The following CFAP97D2 variants were observed in gnomAD, a reference collection of about 807,000 sequenced individuals.
CFAP97D2 encodes CFAP97 domain containing 2.
chr13:114,208,317 G>A (rs1025831887), intron 3 of CFAP97D2, among the ~76,000 whole-genome samples: 29 of 152,002 alleles, frequency 1.9e-4, no homozygotes, highest in Admixed American at 1.1e-3. Flanking sequence ...TAACTTTTTC[G>A]TGCCACGACC....
intron 4 of CFAP97D2, among the ~76,000 whole-genome samples, chr13:114,216,902 C>T (rs1359596480): frequency 6.6e-6 from 1 of 152,192 alleles, no homozygotes; most frequent in Non-Finnish European, 1.5e-5. Context: ...TTTACAGTCC[C>T]ACCAACAGTG....
intron 4 of CFAP97D2, among the ~76,000 whole-genome samples, chr13:114,219,151 A>C (rs1431967773): frequency 6.6e-6 from 1 of 152,242 alleles, no homozygotes; most frequent in Non-Finnish European, 1.5e-5. Context: ...TAATATCCAG[A>C]ATCTACAAAG....
chr13:114,214,118 A>G (rs1176335227), intron 4 of CFAP97D2: 1 of 152,434 alleles, frequency 6.6e-6, no homozygotes, highest in Non-Finnish European at 1.5e-5. Context: ...ACCCCTGCGC[A>G]CCTACTTGAA....
At position 114,211,798 on chromosome 13, in the gene CFAP97D2, G is replaced by A. The variant is rs1303207426; in HGVS notation, c.291-114G>A. On this transcript the variant is annotated intron_variant, in intron 3 of 4. Coordinates refer to ENST00000646158, the Ensembl canonical transcript of CFAP97D2. The surrounding 1 kb of genome is among the most constrained non-coding windows in gnomAD (Gnocchi z 4.2). Reference sequence around the variant, plus strand: ...TTAAATGTTGGTTCAGTGGGAAGCAGGAGCAACCCTCCACCCCGGGACCCC... The same window carrying A: ...TTAAATGTTGGTTCAGTGGGAAGCAAGAGCAACCCTCCACCCCGGGACCCC... 2.5e-6 allele frequency: 1 copy of A among 397,512 alleles called. No homozygotes were observed. The highest frequency in any genetic ancestry group is 2.1e-5 in the African/African-American group (1 of 48,642). The allele number at this position is 397,512 out of a possible 1,614,324, so 24.6% of individuals were successfully genotyped here.
intron 4 of CFAP97D2, among the ~76,000 whole-genome samples, chr13:114,212,749 G>C (rs1011563402): frequency 6.6e-6 from 1 of 152,206 alleles, no homozygotes; most frequent in Non-Finnish European, 1.5e-5. Context: ...CTACTCGGGA[G>C]GCTGAGGCAG....
intron 3 of CFAP97D2, among the ~76,000 whole-genome samples, chr13:114,210,583 C>G (rs1467972273): frequency 6.6e-6 from 1 of 152,158 alleles, no homozygotes; most frequent in Non-Finnish European, 1.5e-5. Context: ...TCCCGTGGCT[C>G]AGCCTTTGGC....
intron 2 of CFAP97D2, among the ~76,000 whole-genome samples, chr13:114,197,395 C>T (rs2080893026): frequency 6.6e-6 from 1 of 152,050 alleles, no homozygotes; most frequent in Non-Finnish European, 1.5e-5. Context: ...GCCTAAATTC[C>T]ATTGGGAGCA....
intron 3 of CFAP97D2, among the ~76,000 whole-genome samples, chr13:114,204,614 A>G (rs1376837316): frequency 6.6e-6 from 1 of 152,154 alleles, no homozygotes; most frequent in Non-Finnish European, 1.5e-5. Flanking sequence ...TGCTGAGACA[A>G]CTCTATCGCC....
intron 1 of CFAP97D2, among the ~76,000 whole-genome samples, chr13:114,190,517 A>G (rs1179291989): frequency 6.6e-6 from 1 of 152,232 alleles, no homozygotes; most frequent in Admixed American, 6.5e-5. Flanking sequence ...GTGACGACTG[A>G]GATTAAAAAC....
In CFAP97D2 at chr13:114,203,149, A is replaced by G. The variant is rs2080925966; in HGVS notation, c.290+2706A>G. Among the ~76,000 whole-genome samples the G allele has an allele frequency of 6.6e-6, 1 of 152,268 alleles. No individual in the cohort carries two copies. The highest frequency in any genetic ancestry group is 1.5e-5 in the Non-Finnish European group (1 of 68,052). On this transcript the variant is annotated intron_variant, in intron 3 of 4. Coordinates refer to ENST00000646158, the Ensembl canonical transcript of CFAP97D2. The surrounding 1 kb of genome is among the most constrained non-coding windows in gnomAD (Gnocchi z 4.3). Reference sequence around the variant, plus strand: ...CAAACTATTTCTATTCACAGATGATATGATCTTGCATATAGAAAATCTTAA... The same window carrying G: ...CAAACTATTTCTATTCACAGATGATGTGATCTTGCATATAGAAAATCTTAA...
rs58391090 is a variant in CFAP97D2 at position 114,186,420 on chromosome 13, G to A, written c.90+7000G>A. On this transcript the variant is annotated intron_variant, in intron 1 of 4. Transcript: ENST00000646158. The surrounding 1 kb of genome is among the most constrained non-coding windows in gnomAD (Gnocchi z 4.3). ...TCTTGCTCACCCTCCACTTGTCTGC[G>A]TACCTCATTCTTCCTGGATGCAGGA... Among the ~76,000 whole-genome samples, 2,162 of 152,256 alleles carry A rather than the reference G, an allele frequency of 0.014. 54 individuals carry two copies. Among genetic ancestry groups the A allele is most frequent in the African/African-American group, 0.047 (1,966 of 41,544 alleles).
Position 114,189,221 on chromosome 13 carries a change from C to G in CFAP97D2, c.91-7175C>G, listed in dbSNP as rs1188113003. 1.3e-5 allele frequency among the ~76,000 whole-genome samples: 2 copies of G among 151,984 alleles called. No individual in the cohort carries two copies. The highest frequency in any genetic ancestry group is 4.8e-5 in the African/African-American group (2 of 41,390). On this transcript the variant is annotated intron_variant, in intron 1 of 4. Coordinates refer to ENST00000646158, the Ensembl canonical transcript of CFAP97D2. This position sits in a 1 kb window ranked among gnomAD's most constrained non-coding sequence, Gnocchi z 4.5. Reference sequence around the variant, plus strand: ...GATACTATGAACAAATTTATGCCCACAAATTTGATAACCTAAATGAAAAGG... The same window carrying G: ...GATACTATGAACAAATTTATGCCCAGAAATTTGATAACCTAAATGAAAAGG...
chr13:114,180,005 C>T (rs913503795), intron 1 of CFAP97D2, among the ~76,000 whole-genome samples: 3 of 152,196 alleles, frequency 2.0e-5, no homozygotes, highest in African/African-American at 7.2e-5. Context: ...AAAAGCCAAC[C>T]CTTGTCCCCA....
chr13:114,216,821 G>C lies in CFAP97D2; in HGVS notation c.480+4720G>C, dbSNP rs539943458. The stretch of plus-strand genomic sequence containing the variant: ...GTATATGCCCAGTAATGGGATGACT[G>C]GGTCAAATGGTATTTCTAGTTCTAG... On this transcript the variant is annotated intron_variant, in intron 4 of 4. Coordinates refer to ENST00000646158, the Ensembl canonical transcript of CFAP97D2. 3.2e-4 allele frequency among the ~76,000 whole-genome samples: 48 copies of C among 152,204 alleles called. 1 individual carries two copies. The South Asian group carries it at 9.9e-3, about 32-fold the overall frequency.
chr13:114,184,673 A>G (rs534164961), intron 1 of CFAP97D2, among the ~76,000 whole-genome samples: 14 of 152,370 alleles, frequency 9.2e-5, no homozygotes, highest in African/African-American at 3.4e-4. Flanking sequence ...ACATTTTCTC[A>G]AACAAAAATT....
At chr13:114,210,903 T>C (rs2080964282) in intron 3 of CFAP97D2, among the ~76,000 whole-genome samples, 2 of 149,128 alleles carry the variant, frequency 1.3e-5, no homozygotes, top group African/African-American at 5.0e-5. Context: ...TTAATGGCTC[T>C]GAGATGGAGA....
chr13:114,197,565 A>C (rs12584383), intron 2 of CFAP97D2, among the ~76,000 whole-genome samples: 1,743 of 152,256 alleles, frequency 0.011, 96 homozygotes, highest in Admixed American at 0.08. Flanking sequence ...ATGACCCATC[A>C]TGTCTTGGGG....
At position 114,189,657 on chromosome 13, in the gene CFAP97D2, G is replaced by C. The variant is rs1029571747; in HGVS notation, c.91-6739G>C. ...GTGGGATTCATTCCAGGTATGCAAGGCTGGCTCATCATTCAAAAATCAATG... is the reference window on the plus strand; with the variant it reads ...GTGGGATTCATTCCAGGTATGCAAGCCTGGCTCATCATTCAAAAATCAATG... On this transcript the variant is annotated intron_variant, in intron 1 of 4. Transcript: ENST00000646158. This position sits in a 1 kb window ranked among gnomAD's most constrained non-coding sequence, Gnocchi z 4.5. Among the ~76,000 whole-genome samples the C allele has an allele frequency of 6.6e-6, 1 of 152,112 alleles. No individual in the cohort carries two copies. The highest frequency in any genetic ancestry group is 1.5e-5 in the Non-Finnish European group (1 of 68,016).
chr13:114,213,645 AC>A, intron 4 of CFAP97D2, among the ~76,000 whole-genome samples: 1 of 122,590 alleles, frequency 8.2e-6, no homozygotes, highest in African/African-American at 3.2e-5. Flanking sequence ...CTCTAGGACC[AC>A]AGACCCCCAC....
Sources: allele counts gnomAD v4.1 joint callset (sites outside exome capture counted in the v4.1 genomes callset), GRCh38; gene constraint gnomAD v4.1.1; non-coding constraint Gnocchi (gnomAD v3.1); transcripts MANE v1.5; gene names NCBI Gene and HGNC (gene_info 2026-07-23, HGNC 2026-07-21).